Variants in CADM2 observed in about 807,000 individuals in gnomAD.
CADM2 encodes cell adhesion molecule 2.
Under a neutral mutation model 49.8 loss-of-function variants are expected in CADM2, and 12 were observed. The observed-to-expected ratio is 0.24, with a 90% CI of 0.15 to 0.39. CADM2 has a LOEUF of 0.39. Ranked by LOEUF, CADM2 falls within the 10% of genes least tolerant of loss-of-function variation. CADM2 has a pLI of 1.00. For synonymous variants in CADM2, 214 were observed against 175.4 expected, an observed-to-expected ratio of 1.22 and a Z score of -1.74; for missense variants, 378 against 492.3, an observed-to-expected ratio of 0.77 and a Z score of 2.20.
At chr3:85,547,656 A>T (rs2061699738) in intron 1 of CADM2, among the ~76,000 whole-genome samples, 1 of 152,214 alleles carries the variant, frequency 6.6e-6, no homozygotes, top group African/African-American at 2.4e-5. Flanking sequence ...GTTAGGAGTC[A>T]CTGTAACACA....
chr3:85,885,363 C>A (rs912560555), intron 4 of CADM2, among the ~76,000 whole-genome samples: 1 of 144,822 alleles, frequency 6.9e-6, no homozygotes, highest in East Asian at 2.1e-4. Context: ...ATGAGGAAAC[C>A]CCATCTCTAC....
chr3:85,574,584 A>G (rs982515455), intron 1 of CADM2, among the ~76,000 whole-genome samples: 3 of 152,180 alleles, frequency 2.0e-5, no homozygotes, highest in Non-Finnish European at 4.4e-5. Flanking sequence ...CCCTGGTATT[A>G]CTAACCTTCA....
chr3:85,896,265 GAC>G (rs1289907751), intron 5 of CADM2, among the ~76,000 whole-genome samples: 1 of 152,150 alleles, frequency 6.6e-6, no homozygotes, highest in Non-Finnish European at 1.5e-5. Context: ...TAACCTGGGT[GAC>G]ATAGTAAGAC....
At chr3:85,937,901 G>A (rs1055120259) in intron 7 of CADM2, among the ~76,000 whole-genome samples, 2 of 151,892 alleles carry the variant, frequency 1.3e-5, no homozygotes, top group Non-Finnish European at 2.9e-5. Flanking sequence ...TATATGTTGC[G>A]TTTATCTTCA....
At chr3:85,719,782 A>G (rs1036821566) in intron 1 of CADM2, among the ~76,000 whole-genome samples, 1 of 152,146 alleles carries the variant, frequency 6.6e-6, no homozygotes, top group African/African-American at 2.4e-5. Context: ...AAAACAGGAA[A>G]ACATCCAAGT....
chr3:85,978,090 G>A (rs1016991527), intron 8 of CADM2, among the ~76,000 whole-genome samples: 1 of 151,590 alleles, frequency 6.6e-6, no homozygotes, highest in Non-Finnish European at 1.5e-5. Flanking sequence ...TCAAACCTCA[G>A]CACAGTAATT....
intron 1 of CADM2, among the ~76,000 whole-genome samples, chr3:85,182,444 C>T (rs1041632769): frequency 1.2e-4 from 18 of 151,996 alleles, no homozygotes; most frequent in African/African-American, 3.9e-4. Flanking sequence ...GTAGTCTTTA[C>T]TAAAATCTAC....
chr3:85,493,843 C>T (rs1478216599), intron 1 of CADM2, among the ~76,000 whole-genome samples: 1 of 152,078 alleles, frequency 6.6e-6, no homozygotes, highest in South Asian at 2.1e-4. Context: ...CAAGAACATC[C>T]CTGTGTGAGA....
chr3:85,995,152 G>T (rs1207805256), intron 8 of CADM2, among the ~76,000 whole-genome samples: 3 of 151,776 alleles, frequency 2.0e-5, no homozygotes, highest in Non-Finnish European at 4.4e-5. Context: ...AATGAACATT[G>T]TGGTAAAATA....
At chr3:85,779,055 A>G (rs9820014) in intron 2 of CADM2, among the ~76,000 whole-genome samples, 22,020 of 152,040 alleles carry the variant, frequency 0.14, 2,019 homozygotes, top group Non-Finnish European at 0.2. Context: ...TAGGGGTGAA[A>G]TTTTGCTTTA....
At chr3:85,784,681 T>C (rs1339694272) in intron 2 of CADM2, among the ~76,000 whole-genome samples, 1 of 152,132 alleles carries the variant, frequency 6.6e-6, no homozygotes, top group Admixed American at 6.6e-5. Flanking sequence ...TCATAACTTA[T>C]TTAGTTCTAA....
chr3:85,440,098 A>G (rs150679208), intron 1 of CADM2, among the ~76,000 whole-genome samples: 2 of 152,298 alleles, frequency 1.3e-5, no homozygotes, highest in Admixed American at 6.5e-5. Flanking sequence ...TGTGTTTTCT[A>G]TGGCTTTTTC....
intron 6 of CADM2, among the ~76,000 whole-genome samples, chr3:85,915,700 G>A (rs1377026302): frequency 1.3e-5 from 2 of 152,128 alleles, no homozygotes; most frequent in East Asian, 1.9e-4. Context: ...CCTTGGAAAC[G>A]AAGAAGATGG....
chr3:85,043,626 CTG>C, intron 1 of CADM2, among the ~76,000 whole-genome samples: 1 of 152,144 alleles, frequency 6.6e-6, no homozygotes, highest in Middle Eastern at 3.4e-3. Flanking sequence ...GTGCAGTGAA[CTG>C]TGATTGCCCT....
intron 1 of CADM2, among the ~76,000 whole-genome samples, chr3:85,403,883 A>G (rs893113766): frequency 6.6e-6 from 1 of 152,124 alleles, no homozygotes; most frequent in African/African-American, 2.4e-5. Flanking sequence ...TGAATTAAAG[A>G]AAATCAGAAG....
At chr3:85,962,561 A>G (rs534577982) in intron 8 of CADM2, among the ~76,000 whole-genome samples, 2 of 151,958 alleles carry the variant, frequency 1.3e-5, no homozygotes, top group Non-Finnish European at 2.9e-5. Context: ...CAACTTTCAA[A>G]TGCCACAATG....
rs111826250 is a variant in CADM2 at position 85,200,796 on chromosome 3, A to G, written c.61+241128A>G. On this transcript the variant is annotated intron_variant, in intron 1 of 9. Coordinates refer to ENST00000383699, the MANE Select transcript of CADM2 (RefSeq NM_001167675.2). ...TTAAAATGTCCAGATAGTGTAAAAC[A>G]TGAAACCTGTGTGGTATTTCCAATT... Among the ~76,000 whole-genome samples, 1,052 of 152,304 alleles carry G rather than the reference A, an allele frequency of 6.9e-3. 10 individuals are homozygous for G. Among genetic ancestry groups the G allele is most frequent in the African/African-American group, 0.023 (963 of 41,578 alleles).
At chr3:85,089,470 T>G (rs2037511528) in intron 1 of CADM2, among the ~76,000 whole-genome samples, 2 of 152,104 alleles carry the variant, frequency 1.3e-5, no homozygotes, top group South Asian at 4.1e-4. Flanking sequence ...TTCCACCAGA[T>G]TGTGTCCAAG....
intron 1 of CADM2, among the ~76,000 whole-genome samples, chr3:85,661,062 A>G (rs1228770003): frequency 6.6e-6 from 1 of 152,154 alleles, no homozygotes; most frequent in Non-Finnish European, 1.5e-5. Context: ...ATTGTATTGC[A>G]TGAGGCAATT....
Sources: allele counts gnomAD v4.1 joint callset (sites outside exome capture counted in the v4.1 genomes callset), GRCh38; gene constraint gnomAD v4.1.1; transcripts MANE v1.5; gene names NCBI Gene and HGNC (gene_info 2026-07-23, HGNC 2026-07-21).